The following PFKL variants were observed in gnomAD, a reference collection of about 807,000 sequenced individuals.
PFKL encodes the protein phosphofructokinase, liver type.
Under a neutral mutation model 92.1 loss-of-function variants are expected in PFKL, and 74 were observed. The observed-to-expected ratio is 0.80, with a 90% confidence interval of 0.67 to 0.97. PFKL has a LOEUF of 0.97. PFKL is among the 50% of genes least tolerant of loss of function. The probability of loss-of-function intolerance (pLI) is 0.00; values close to 1 mark genes in which losing one functional copy is unlikely to be tolerated. For missense variants in PFKL, 1,028 were observed against 1,116.6 expected (o/e 0.92, Z 1.13); for synonymous variants, 494 against 456.4 (o/e 1.08, Z -1.05).
Position 44,327,213 on chromosome 21 carries a change from T to G in PFKL, c.*351T>G. On this transcript the variant is annotated 3_prime_UTR_variant, in exon 22 of 22. Transcript: ENST00000349048. ...CTGGGCTCACTACATGGGCCAGCCC[T>G]TGCTCTACCTGGCCGGTAGGCTGCT... 3.2e-6 allele frequency: 1 copy of G among 307,822 alleles called. No homozygotes were observed. 19.1% of individuals were successfully genotyped at this position (307,822 alleles called of 1,614,324 possible).
Position 44,326,897 on chromosome 21 carries a change from C to G in PFKL, c.*35C>G. 2 of 1,566,836 alleles carry G rather than the reference C, an allele frequency of 1.3e-6. No homozygotes were observed. The highest frequency in any genetic ancestry group is 1.7e-6 in the Non-Finnish European group (2 of 1,150,578). ...TGCCCACGCCCCTCCCCAGCCCCCACCCATGCCAGCGCAGCGCCAGGGCTC... is the reference window on the plus strand; with the variant it reads ...TGCCCACGCCCCTCCCCAGCCCCCAGCCATGCCAGCGCAGCGCCAGGGCTC... On this transcript the variant is annotated 3_prime_UTR_variant, in exon 22 of 22. Coordinates refer to ENST00000349048, the MANE Select transcript of PFKL (RefSeq NM_002626.6).
rs1447822758 is a variant in PFKL at position 44,300,102 on chromosome 21, C to A, written c.-4C>A. ...CGAGCTGGGCCCGTGTTTCGGCCGC[C>A]GCCATGGCCGCGGTGGACCTGGAGA... On this transcript the variant is annotated 5_prime_UTR_variant, in exon 1 of 22. Coordinates refer to ENST00000349048, the MANE Select transcript of PFKL (RefSeq NM_002626.6). 1.5e-5 allele frequency: 17 copies of A among 1,149,784 alleles called. No homozygotes were observed. The highest frequency in any genetic ancestry group is 2.0e-5 in the South Asian group (1 of 50,896). 71.2% of individuals were successfully genotyped at this position (1,149,784 alleles called of 1,614,324 possible). A position where few individuals can be genotyped will look rare whatever the true frequency, so the allele number is the denominator to read the frequency against.
intron 1 of PFKL, among the ~76,000 whole-genome samples, chr21:44,301,309 T>C (rs2236669): frequency 0.5 from 75,323 of 151,970 alleles, 19,897 homozygotes; most frequent in African/African-American, 0.68. Context: ...ACCCGCCCTT[T>C]TCACAGCTGT....
Position 44,300,105 on chromosome 21 carries a change from C to T in PFKL, c.-1C>T, listed in dbSNP as rs773129881. 10 of 1,156,920 alleles carry T rather than the reference C, an allele frequency of 8.6e-6. No individual in the cohort carries two copies. The South Asian group carries it at 1.9e-4, about 22-fold the overall frequency. 71.7% of individuals were successfully genotyped at this position (1,156,920 alleles called of 1,614,324 possible). A position where few individuals can be genotyped will look rare whatever the true frequency, so the allele number is the denominator to read the frequency against. ...GCTGGGCCCGTGTTTCGGCCGCCGC[C>T]ATGGCCGCGGTGGACCTGGAGAAGC... On this transcript the variant is annotated 5_prime_UTR_variant, in exon 1 of 22. Transcript: ENST00000349048.
chr21:44,311,341 T>C lies in PFKL; in HGVS notation c.237+258T>C, dbSNP rs111213096. On this transcript the variant is annotated intron_variant, in intron 3 of 21. Coordinates refer to ENST00000349048, the MANE Select transcript of PFKL (RefSeq NM_002626.6). Reference sequence around the variant, plus strand: ...ACAGACACACACAGACATGCACACATACAGACACACAGACGTGCACACAGA... The same window carrying C: ...ACAGACACACACAGACATGCACACACACAGACACACAGACGTGCACACAGA... Among the ~76,000 whole-genome samples the C allele has an allele frequency of 8.9e-3, 1,249 of 141,074 alleles. 20 individuals are homozygous for C. Among genetic ancestry groups the C allele is most frequent in the African/African-American group, 0.032 (1,181 of 36,488 alleles). 92.6% of individuals were successfully genotyped at this position (141,074 alleles called of 152,430 possible). A position where few individuals can be genotyped will look rare whatever the true frequency, so the allele number is the denominator to read the frequency against.
intron 19 of PFKL, 68 bp downstream of exon 19, chr21:44,325,332 A>AGG: frequency 8.8e-7 from 1 of 1,135,668 alleles, no homozygotes. Flanking sequence ...CCCCGGCCCC[A>AGG]GGGGTCCCAG....
chr21:44,305,936 G>T lies in PFKL; in HGVS notation c.86-745G>T, dbSNP rs534184894. ...ACCAGCATCATGTCCAGGCTGGGGGGTGAGGGTCCCTGAGGCCCTGGGGCA... is the reference window on the plus strand; with the variant it reads ...ACCAGCATCATGTCCAGGCTGGGGGTTGAGGGTCCCTGAGGCCCTGGGGCA... On this transcript the variant is annotated intron_variant, in intron 1 of 21. Transcript: ENST00000349048. 4 of 1,359,714 alleles carry T rather than the reference G, an allele frequency of 2.9e-6. No individual in the cohort carries two copies. The African/African-American group carries it at 5.9e-5, about 20-fold the overall frequency. 84.2% of individuals were successfully genotyped at this position (1,359,714 alleles called of 1,614,324 possible).
rs1322800096 is a variant in PFKL at position 44,325,165 on chromosome 21, C to T, written c.1890C>T (p.Cys630=). 2 of 1,610,470 alleles carry T rather than the reference C, an allele frequency of 1.2e-6. No homozygotes were observed. Among genetic ancestry groups the T allele is most frequent in the Admixed American group, 3.3e-5 (2 of 60,026 alleles). The change falls in exon 19 of 22, where the codon TGC becomes TGT. Residue 630 remains cysteine (C), a synonymous_variant. Coordinates refer to ENST00000349048, the MANE Select transcript of PFKL (RefSeq NM_002626.6). ...QRGLVLRNEK[C]HDYYTTEFLY... is the part of the protein sequence containing the mutation. ...CTGCCCCTCTCAGGAACGAGAAGTG[C>T]CATGACTACTACACCACGGAGTTCC... is the stretch of plus-strand genomic sequence containing the variant.
At chr21:44,305,437 G>A in intron 1 of PFKL, 1 of 981,206 alleles carries the variant, frequency 1.0e-6, no homozygotes, top group Non-Finnish European at 1.5e-6. Context: ...TCCAGCCTCT[G>A]CAAGTACAGG....
intron 7 of PFKL, 170 bp from the exon 8 acceptor site, chr21:44,316,074 A>C: frequency 1.6e-6 from 1 of 639,204 alleles, no homozygotes. Context: ...GCCCAGCCTC[A>C]TCTCTGCCCT....
intron 2 of PFKL, among the ~76,000 whole-genome samples, chr21:44,310,593 G>A (rs2047013263): frequency 6.6e-6 from 1 of 152,192 alleles, no homozygotes; most frequent in Admixed American, 6.5e-5. Flanking sequence ...GGGGACAGAA[G>A]GAGCCACGCA....
At chr21:44,303,592 C>T (rs549955155) in intron 1 of PFKL, among the ~76,000 whole-genome samples, 16 of 152,114 alleles carry the variant, frequency 1.1e-4, no homozygotes, top group East Asian at 3.9e-4. Flanking sequence ...TGTGTTTGGA[C>T]GTTGGTTTCC....
intron 16 of PFKL, chr21:44,324,281 G>A (rs762185563): frequency 1.4e-4 from 86 of 606,246 alleles, no homozygotes; most frequent in Non-Finnish European, 2.6e-5. Flanking sequence ...TGTCCACTGT[G>A]CCCTGGGGGG....
intron 2 of PFKL, chr21:44,307,226 C>T (rs934746321): frequency 2.1e-6 from 2 of 974,098 alleles, no homozygotes; most frequent in African/African-American, 3.5e-5. Flanking sequence ...CTGGCAGCAG[C>T]TCTGCTGTGT....
At chr21:44,322,870 A>C in intron 14 of PFKL, 92 bp from the exon 15 acceptor site, 2 of 842,044 alleles carry the variant, frequency 2.4e-6, no homozygotes, top group Non-Finnish European at 3.8e-6. Context: ...GGCTCGGGGA[A>C]CGGCCAAGGC....
At chr21:44,310,874 T>C (rs1404243576) in intron 2 of PFKL, 132 bp from the exon 3 acceptor site, 2 of 654,180 alleles carry the variant, frequency 3.1e-6, no homozygotes, top group Non-Finnish European at 5.4e-6. Context: ...GGCCCTGGGA[T>C]GATGGTGGGG....
chr21:44,305,966 A>G, intron 1 of PFKL: 1 of 1,343,886 alleles, frequency 7.4e-7, no homozygotes, highest in Non-Finnish European at 9.9e-7. Context: ...GGGGCAGGGC[A>G]GTGCTGTTCC....
At position 44,325,575 on chromosome 21, in the gene PFKL, C is replaced by T. The variant is rs540776475; in HGVS notation, c.1989+311C>T. 5.8e-6 allele frequency: 3 copies of T among 520,456 alleles called. No homozygotes were observed. The South Asian group carries it at 6.6e-5, about 11-fold the overall frequency. The allele number at this position is 520,456 out of a possible 1,614,324, so 32.2% of individuals were successfully genotyped here. On this transcript the variant is annotated intron_variant, in intron 19 of 21. Transcript: ENST00000349048. ...CCCTCACCTAGATCCCCGCATGCTC[C>T]CTGCCTTATGGTGGCCCTGCAGGAA...
At position 44,327,303 on chromosome 21, in the gene PFKL, C is replaced by G. The variant is rs2047542084; in HGVS notation, c.*441C>G. The G allele has an allele frequency of 5.2e-6, 1 of 193,436 alleles. No individual in the cohort carries two copies. Among genetic ancestry groups the G allele is most frequent in the Non-Finnish European group, 1.1e-5 (1 of 92,086 alleles). 12.0% of individuals were successfully genotyped at this position (193,436 alleles called of 1,614,324 possible). A position where few individuals can be genotyped will look rare whatever the true frequency, so the allele number is the denominator to read the frequency against. On this transcript the variant is annotated 3_prime_UTR_variant, in exon 22 of 22. Coordinates refer to ENST00000349048, the MANE Select transcript of PFKL (RefSeq NM_002626.6). ...TGCCTCACTGTGACCTGCTCCTGCC[C>G]ACGTGCAGCACCTGTCACCTTTTCT...
Sources: allele counts gnomAD v4.1 joint callset (sites outside exome capture counted in the v4.1 genomes callset), GRCh38; gene constraint gnomAD v4.1.1; transcripts MANE v1.5; gene names NCBI Gene and HGNC (gene_info 2026-07-23, HGNC 2026-07-21).